Variants in RAPSN observed in about 807,000 individuals in gnomAD.
RAPSN encodes the protein 43 kDa receptor-associated protein of the synapse.
In RAPSN, 33 loss-of-function variants were observed where a neutral mutation model predicts 45.7. The ratio of observed to expected loss-of-function variants is 0.72; its 90% CI spans 0.55 to 0.97. The LOEUF (loss-of-function observed/expected upper bound fraction) is 0.97, where lower values mean the gene tolerates loss of function less well. RAPSN is among the 50% of genes least tolerant of loss of function. The probability of loss-of-function intolerance (pLI) is 0.00; values close to 1 mark genes in which losing one functional copy is unlikely to be tolerated. For missense variants in RAPSN, 519 were observed against 559.4 expected (o/e 0.93, Z 0.73); for synonymous variants, 244 against 233.6 (o/e 1.04, Z -0.40).
chr11:47,441,979 T>G (rs1320721069), intron 3 of RAPSN, 58 bp from the exon 4 acceptor site: 2 of 1,498,110 alleles, frequency 1.3e-6, no homozygotes, highest in Non-Finnish European at 1.8e-6. Context: ...TGGAGTGCCC[T>G]CCCCTCAACA....
chr11:47,439,955 T>C (rs2076350556), intron 6 of RAPSN, among the ~76,000 whole-genome samples: 1 of 152,074 alleles, frequency 6.6e-6, no homozygotes, highest in African/African-American at 2.4e-5. Context: ...CACCTCGGCC[T>C]CCCAAAATGC....
intron 2 of RAPSN, among the ~76,000 whole-genome samples, chr11:47,446,755 A>C (rs1170606749): frequency 6.6e-6 from 1 of 152,086 alleles, no homozygotes; most frequent in Non-Finnish European, 1.5e-5. Flanking sequence ...AAACACAAAA[A>C]TTAGCCGGGC....
At chr11:47,441,554 G>A (rs2076362644) in intron 5 of RAPSN, 57 bp downstream of exon 5, 3 of 1,598,252 alleles carry the variant, frequency 1.9e-6, no homozygotes, top group South Asian at 1.1e-5. Flanking sequence ...CTAACCTACT[G>A]GCCCCAAGTG....
intron 2 of RAPSN, among the ~76,000 whole-genome samples, chr11:47,447,134 C>G (rs899625020): frequency 3.3e-5 from 5 of 152,122 alleles, no homozygotes; most frequent in Non-Finnish European, 5.9e-5. Flanking sequence ...CTAGAATGCT[C>G]TCTCACCAGA....
At chr11:47,446,235 A>C (rs866685008) in intron 2 of RAPSN, among the ~76,000 whole-genome samples, 80 of 152,092 alleles carry the variant, frequency 5.3e-4, no homozygotes, top group African/African-American at 1.8e-3. Context: ...AAAAAAAAAA[A>C]AAACTGTTTG....
intron 6 of RAPSN, among the ~76,000 whole-genome samples, chr11:47,440,252 C>T (rs1163835414): frequency 1.3e-5 from 2 of 152,072 alleles, no homozygotes; most frequent in African/African-American, 4.8e-5. Context: ...TGTGTGTGCT[C>T]AGTGCTCAGG....
At chr11:47,443,802 G>A (rs113503846) in intron 2 of RAPSN, among the ~76,000 whole-genome samples, 1 of 151,602 alleles carries the variant, frequency 6.6e-6, no homozygotes, top group African/African-American at 2.4e-5. Context: ...AGTGGTGCAC[G>A]CCTGTAGTTC....
At chr11:47,438,335 T>G in intron 7 of RAPSN, 2 of 575,246 alleles carry the variant, frequency 3.5e-6, no homozygotes, top group Non-Finnish European at 6.2e-6. Context: ...CTAATGACCT[T>G]TGAGGGGCCT....
At chr11:47,438,557 A>G in intron 7 of RAPSN, 175 bp downstream of exon 7, 1 of 705,308 alleles carries the variant, frequency 1.4e-6, no homozygotes, top group South Asian at 1.9e-5. Flanking sequence ...CCCGGGGCTC[A>G]AGTGATCAGC....
At chr11:47,443,741 T>G (rs1267086223) in intron 2 of RAPSN, among the ~76,000 whole-genome samples, 1 of 151,636 alleles carries the variant, frequency 6.6e-6, no homozygotes, top group Non-Finnish European at 1.5e-5. Context: ...GAGAATGGCC[T>G]GGGCAACTTA....
rs1351675177 is a variant in RAPSN at position 47,449,087 on chromosome 11, G to A, written c.-123C>T. ...AACGTGGGAACAAAAGCAGCGTCGG[G>A]TGGGAGCCGGAATGGGGCCTGGATG... On this transcript the variant is annotated 5_prime_UTR_variant, in exon 1 of 8. Coordinates refer to ENST00000298854, the MANE Select transcript of RAPSN (RefSeq NM_005055.5). 1.6e-6 allele frequency: 2 copies of A among 1,217,574 alleles called. No homozygotes were observed. The highest frequency in any genetic ancestry group is 3.0e-5 in the African/African-American group (2 of 67,186). 75.4% of individuals were successfully genotyped at this position (1,217,574 alleles called of 1,614,324 possible).
rs1165023645 is a variant in RAPSN at position 47,441,170 on chromosome 11, C to A, written c.955G>T (p.Val319Leu). ...IERAQDLAEE[V>L]GNKLSQLKLH... ...GAATCAAGTCTGACCTTGTTCCCCA[C>A]CTCCTCGGCCAGATCCTGGGCTCTC... The change falls in exon 6 of 8, where the codon GTG (valine) becomes TTG (leucine). Residue 319 changes from valine (V) to leucine (L), a missense_variant. Transcript: ENST00000298854. The A allele has an allele frequency of 1.2e-6, 2 of 1,614,014 alleles. No individual in the cohort carries two copies. Among genetic ancestry groups the A allele is most frequent in the African/African-American group, 1.3e-5 (1 of 74,932 alleles).
intron 6 of RAPSN, among the ~76,000 whole-genome samples, chr11:47,439,712 A>ATTTT (rs3972616): frequency 0.3 from 38,391 of 127,010 alleles, 6,809 homozygotes; most frequent in South Asian, 0.45. Flanking sequence ...GATTATGACG[A>ATTTT]TTTTTTTTTT....
chr11:47,439,033 G>A, intron 6 of RAPSN, 102 bp from the exon 7 acceptor site: 1 of 1,302,980 alleles, frequency 7.7e-7, no homozygotes. Context: ...GATGGACCTT[G>A]GAAAAATGTC....
Position 47,441,027 on chromosome 11 carries a change from G to C in RAPSN, c.966+132C>G, listed in dbSNP as rs1322007160. On this transcript the variant is annotated intron_variant, in intron 6 of 7. Coordinates refer to ENST00000298854, the MANE Select transcript of RAPSN (RefSeq NM_005055.5). ...TGGCAGAGAAAGAGCCAGAGTATGGGGTTGGCTGCAGGCAGCTCCCAGCAT... is the reference window on the plus strand; with the variant it reads ...TGGCAGAGAAAGAGCCAGAGTATGGCGTTGGCTGCAGGCAGCTCCCAGCAT... 3 of 1,097,634 alleles carry C rather than the reference G, an allele frequency of 2.7e-6. No homozygotes were observed. In the African/African-American group the frequency reaches 4.6e-5, roughly 17 times the overall value. 68.0% of individuals were successfully genotyped at this position (1,097,634 alleles called of 1,614,324 possible). A position where few individuals can be genotyped will look rare whatever the true frequency, so the allele number is the denominator to read the frequency against.
At chr11:47,446,367 T>C (rs985305952) in intron 2 of RAPSN, among the ~76,000 whole-genome samples, 2 of 152,100 alleles carry the variant, frequency 1.3e-5, no homozygotes, top group Non-Finnish European at 2.9e-5. Flanking sequence ...AAAAAGGTTT[T>C]TAAAAACCCC....
intron 6 of RAPSN, 30 bp from the exon 7 acceptor site, chr11:47,438,961 T>TG: frequency 6.5e-7 from 1 of 1,547,830 alleles, no homozygotes; most frequent in Non-Finnish European, 8.7e-7. Context: ...AGAGCGCCAG[T>TG]GGGGGATGAG....
chr11:47,441,895 G>T lies in RAPSN; in HGVS notation c.717C>A (p.His239Gln). 6.3e-7 allele frequency: 1 copy of T among 1,582,144 alleles called. No homozygotes were observed. Among genetic ancestry groups the T allele is most frequent in the Non-Finnish European group, 8.6e-7 (1 of 1,168,556 alleles). The change falls in exon 4 of 8, where the codon CAC becomes CAA. Residue 239 changes from histidine (H) to glutamine (Q), a missense_variant. Transcript: ENST00000298854. ...AGAGCGCCTGCAGTGGCCGGTCCCCGTGCTGCAGCGCGATCTTCATAGACT... is the reference window on the plus strand; with the variant it reads ...AGAGCGCCTGCAGTGGCCGGTCCCCTTGCTGCAGCGCGATCTTCATAGACT... ...CEESMKIALQ[H>Q]GDRPLQALCL...
intron 6 of RAPSN, among the ~76,000 whole-genome samples, chr11:47,439,322 A>G (rs1374494599): frequency 2.6e-5 from 4 of 152,116 alleles, no homozygotes; most frequent in African/African-American, 9.7e-5. Context: ...AAAAATACAA[A>G]AATTAGCCGG....
Sources: allele counts gnomAD v4.1 joint callset (sites outside exome capture counted in the v4.1 genomes callset), GRCh38; gene constraint gnomAD v4.1.1; transcripts MANE v1.5; gene names NCBI Gene and HGNC (gene_info 2026-07-23, HGNC 2026-07-21).